PPP4R1: variants seen among roughly 807,000 people sequenced by gnomAD.
The protein encoded by PPP4R1 is serine/threonine-protein phosphatase 4 regulatory subunit 1.
Under a neutral mutation model 111.2 loss-of-function variants are expected in PPP4R1, and 42 were observed. The observed-to-expected ratio is 0.38, with a 90% confidence interval of 0.29 to 0.49. PPP4R1 has a LOEUF of 0.49. Among genes scored for constraint, PPP4R1 ranks in the 20% least tolerant of loss-of-function variants. The pLI, the probability that PPP4R1 is intolerant of heterozygous loss-of-function variation, is 0.97. For synonymous variants in PPP4R1, 409 were observed against 405.5 expected (o/e 1.01, Z -0.10); for missense variants, 1,012 against 1,161.6 (o/e 0.87, Z 1.87).
chr18:9,589,699 G>A (rs1316389255), intron 4 of PPP4R1: 2 of 152,232 alleles, frequency 1.3e-5, no homozygotes, highest in Non-Finnish European at 2.9e-5. Context: ...AGGAGTTCCA[G>A]ACCAGCCTGG....
intron 2 of PPP4R1, among the ~76,000 whole-genome samples, chr18:9,607,398 A>G (rs193263149): frequency 6.6e-6 from 1 of 152,122 alleles, no homozygotes; most frequent in East Asian, 1.9e-4. Flanking sequence ...TGGATAAATG[A>G]AAGTCAAAAC....
intron 10 of PPP4R1, among the ~76,000 whole-genome samples, chr18:9,574,309 G>T (rs1184946479): frequency 2.0e-5 from 3 of 152,100 alleles, no homozygotes; most frequent in Non-Finnish European, 4.4e-5. Context: ...TAGAGACTAT[G>T]GGCCTAGAAA....
intron 2 of PPP4R1, chr18:9,599,608 C>G (rs2067347074): frequency 6.6e-6 from 1 of 152,170 alleles, no homozygotes. Context: ...GCAGCTTATT[C>G]TGTCTACAAT....
Position 9,549,206 on chromosome 18 carries a change from G to C in PPP4R1, c.2680C>G (p.Leu894Val). The change falls in exon 19 of 20, where the codon CTA becomes GTA. Residue 894 changes from leucine to valine, a missense_variant. By Grantham distance (32) the Leu-to-Val change is conservative. This residue lies in a region of PPP4R1 where 305 missense variants were observed against 419.5 expected (regional missense o/e 0.73). Coordinates refer to ENST00000400556, the MANE Select transcript of PPP4R1 (RefSeq NM_001042388.3). ...LLAKTLRQTL[L>V]EKDYFLASAS... ...TGGAGTCACTACCTACCTTTTTCTA[G>C]TAGAGTTTGTCTTAATGTCTTTGCA... The C allele has an allele frequency of 6.2e-7, 1 of 1,612,982 alleles. No individual in the cohort carries two copies. The highest frequency in any genetic ancestry group is 8.5e-7 in the Non-Finnish European group (1 of 1,179,036).
chr18:9,552,384 G>C (rs1454820800), intron 16 of PPP4R1, among the ~76,000 whole-genome samples: 1 of 152,214 alleles, frequency 6.6e-6, no homozygotes, highest in African/African-American at 2.4e-5. Flanking sequence ...TAAATGATAA[G>C]CGAGTGATGG....
chr18:9,600,192 T>C (rs1382698888), intron 2 of PPP4R1, among the ~76,000 whole-genome samples: 1 of 78,984 alleles, frequency 1.3e-5, no homozygotes, highest in Non-Finnish European at 2.3e-5. Context: ...TCACTTCTAT[T>C]TCCCAAAAAA....
intron 10 of PPP4R1, among the ~76,000 whole-genome samples, chr18:9,574,297 A>G (rs2066905208): frequency 6.6e-6 from 1 of 152,188 alleles, no homozygotes; most frequent in Admixed American, 6.5e-5. Context: ...AGAGTTCCTT[A>G]GTAGAGACTA....
intron 14 of PPP4R1, among the ~76,000 whole-genome samples, chr18:9,559,005 T>C (rs2066631875): frequency 1.3e-5 from 2 of 152,232 alleles, no homozygotes; most frequent in Admixed American, 6.5e-5. Context: ...GAACTTCACA[T>C]GTGCTAGTAA....
intron 9 of PPP4R1, among the ~76,000 whole-genome samples, chr18:9,578,161 A>G (rs1178019021): frequency 6.6e-6 from 1 of 152,246 alleles, no homozygotes; most frequent in African/African-American, 2.4e-5. Context: ...ACACAATCGG[A>G]CAAAGGCAAC....
chr18:9,589,285 A>G (rs540220139), intron 4 of PPP4R1, among the ~76,000 whole-genome samples: 2 of 152,354 alleles, frequency 1.3e-5, no homozygotes, highest in East Asian at 1.9e-4. Context: ...TAGTCAATAA[A>G]TGAAAGATAT....
At position 9,595,054 on chromosome 18, in the gene PPP4R1, A is replaced by C. The variant is rs772839054; in HGVS notation, c.152T>G (p.Leu51Trp). 2.3e-5 allele frequency: 37 copies of C among 1,613,940 alleles called. No homozygotes were observed. The highest frequency in any genetic ancestry group is 3.3e-4 in the Middle Eastern group (2 of 6,084). ...GTTCTCACTTGCAGCATACTTGTCC[A>C]ATCTCCCCAGGGGCGTCAACATTTC... The part of the protein sequence containing the change: ...QDEMLTPLGR[L>W]DKYAASENIF... Residue 51 changes from leucine (L) to tryptophan (W), a missense_variant, in exon 3 of 20, where the codon TTG (leucine) becomes TGG (tryptophan). Transcript: ENST00000400556.
intron 11 of PPP4R1, among the ~76,000 whole-genome samples, chr18:9,564,737 T>TGTGTGGGG (rs1475596391): frequency 1.1e-3 from 78 of 68,010 alleles, no homozygotes; most frequent in South Asian, 6.8e-3. Flanking sequence ...TGTGTGTGTG[T>TGTGTGGGG]GGGGGTATCA....
At chr18:9,577,695 C>T (rs1386047622) in intron 9 of PPP4R1, among the ~76,000 whole-genome samples, 1 of 151,998 alleles carries the variant, frequency 6.6e-6, no homozygotes, top group African/African-American at 2.4e-5. Context: ...CCCCTATTTG[C>T]TCTTTTTTAC....
intron 2 of PPP4R1, among the ~76,000 whole-genome samples, chr18:9,604,262 C>T (rs752074062): frequency 2.6e-5 from 4 of 152,110 alleles, no homozygotes; most frequent in Non-Finnish European, 5.9e-5. Flanking sequence ...TTGCCTGGAT[C>T]CATCTACTCC....
chr18:9,593,908 T>C (rs760419726), intron 3 of PPP4R1, 34 bp from the exon 4 acceptor site: 6 of 1,516,338 alleles, frequency 4.0e-6, no homozygotes, highest in Non-Finnish European at 3.7e-6. Flanking sequence ...GTATGTTCAA[T>C]GGCATCAATA....
intron 18 of PPP4R1, 31 bp from the exon 19 acceptor site, chr18:9,549,369 C>G (rs2066451872): frequency 5.7e-6 from 9 of 1,565,952 alleles, no homozygotes; most frequent in Non-Finnish European, 7.9e-6. Flanking sequence ...CTCTAGGCTT[C>G]TCTGTCAATG....
At chr18:9,562,921 C>T (rs2145059456) in intron 12 of PPP4R1, 2 of 991,586 alleles carry the variant, frequency 2.0e-6, no homozygotes, top group East Asian at 1.1e-4. Flanking sequence ...TCAGTACCCA[C>T]CCTCACACTC....
intron 15 of PPP4R1, among the ~76,000 whole-genome samples, chr18:9,554,927 C>T (rs1194983573): frequency 6.6e-6 from 1 of 152,172 alleles, no homozygotes; most frequent in Non-Finnish European, 1.5e-5. Context: ...CTAGAGTCCC[C>T]ACTAATACTA....
In PPP4R1 at chr18:9,614,439, G is replaced by C; in HGVS notation, c.7+39C>G. 2 of 1,016,974 alleles carry C rather than the reference G, an allele frequency of 2.0e-6. No homozygotes were observed. Among genetic ancestry groups the C allele is most frequent in the Middle Eastern group, 4.8e-4 (1 of 2,078 alleles). 63.0% of individuals were successfully genotyped at this position (1,016,974 alleles called of 1,614,324 possible). Reference sequence around the variant, plus strand: ...GCTGCGGCGGAGGGCGGGTGGGCTCGAGGAGCCGCCGCCGCCCGGAGAACA... The same window carrying C: ...GCTGCGGCGGAGGGCGGGTGGGCTCCAGGAGCCGCCGCCGCCCGGAGAACA... On this transcript the variant is annotated intron_variant, in intron 1 of 19. Coordinates refer to ENST00000400556, the MANE Select transcript of PPP4R1 (RefSeq NM_001042388.3). The surrounding 1 kb of genome is among the most constrained non-coding windows in gnomAD (Gnocchi z 4.1).
Sources: gnomAD v4.1 joint callset for allele counts (sites outside exome capture counted in the v4.1 genomes callset) on GRCh38, gnomAD v4.1.1 for gene constraint, gnomAD v4.1.1 regional missense constraint, Gnocchi (gnomAD v3.1) non-coding constraint, MANE v1.5 for transcripts, NCBI Gene and HGNC (gene_info 2026-07-23, HGNC 2026-07-21) for gene names.